CDH4: variants seen among roughly 807,000 people sequenced by gnomAD.
CDH4 encodes the protein cadherin-4.
CDH4 carries 33 observed loss-of-function variants against 86.0 expected under a neutral mutation model. The observed-to-expected ratio is 0.38, with a 90% CI of 0.29 to 0.51. CDH4 has a LOEUF of 0.51. Among genes scored for constraint, CDH4 ranks in the 20% least tolerant of loss-of-function variants. The pLI is 0.86. For missense variants in CDH4, 1,114 were observed against 1,307.4 expected, an observed-to-expected ratio of 0.85 and a Z score of 2.28; for synonymous variants, 555 against 549.4, an observed-to-expected ratio of 1.01 and a Z score of -0.14.
intron 2 of CDH4, among the ~76,000 whole-genome samples, chr20:61,672,099 G>T (rs551771883): frequency 2.2e-4 from 33 of 150,938 alleles, no homozygotes; most frequent in Non-Finnish European, 4.3e-4. Context: ...GTGGGTAGGT[G>T]GTTGGATGAG....
At chr20:61,835,215 T>TG (rs1981811595) in intron 4 of CDH4, among the ~76,000 whole-genome samples, 3 of 151,582 alleles carry the variant, frequency 2.0e-5, no homozygotes, top group Admixed American at 1.3e-4. Context: ...CATGTCCAAC[T>TG]AAGTTGTTGT....
chr20:61,254,746 A>G (rs911022122), intron 1 of CDH4, 80 bp from the exon 2 acceptor site: 1 of 933,014 alleles, frequency 1.1e-6, no homozygotes, highest in African/African-American at 1.6e-5. Context: ...GACCTTTTAC[A>G]CAGCAGGCCC....
chr20:61,851,410 G>A (rs534893697), intron 5 of CDH4, among the ~76,000 whole-genome samples: 8 of 152,218 alleles, frequency 5.3e-5, no homozygotes, highest in East Asian at 1.9e-4. Flanking sequence ...TGGGGCAGGC[G>A]TGGAATTCAG....
chr20:61,934,235 G>T lies in CDH4; in HGVS notation c.2544+15G>T, dbSNP rs2055151490. 6.6e-7 allele frequency: 1 copy of T among 1,518,132 alleles called. No individual in the cohort carries two copies. Among genetic ancestry groups the T allele is most frequent in the Non-Finnish European group, 8.8e-7 (1 of 1,130,886 alleles). 94.0% of individuals were successfully genotyped at this position (1,518,132 alleles called of 1,614,324 possible). ...TCATCAATGAGGTGTGTGCCTCTCG[G>T]CAGTGGGGGGCCCGGGCAAGGTGTC... On this transcript the variant is annotated intron_variant, in intron 15 of 15. Transcript: ENST00000614565.
At chr20:61,548,383 C>T (rs2086104070) in intron 2 of CDH4, among the ~76,000 whole-genome samples, 1 of 152,012 alleles carries the variant, frequency 6.6e-6, no homozygotes, top group Non-Finnish European at 1.5e-5. Context: ...AGTAAGGAGC[C>T]AGGGTCACCC....
chr20:61,664,392 A>T (rs536619575), intron 2 of CDH4, among the ~76,000 whole-genome samples: 1 of 152,208 alleles, frequency 6.6e-6, no homozygotes, highest in Non-Finnish European at 1.5e-5. Flanking sequence ...GGGTGGGGGC[A>T]GAAACCACAG....
chr20:61,401,015 C>T (rs2085046594), intron 2 of CDH4, among the ~76,000 whole-genome samples: 1 of 152,234 alleles, frequency 6.6e-6, no homozygotes, highest in South Asian at 2.1e-4. Flanking sequence ...CCACCCATTT[C>T]ACACCTGGCC....
At position 61,480,241 on chromosome 20, in the gene CDH4, C is replaced by T. The variant is rs996463107; in HGVS notation, c.169+225304C>T. ...TTCCACCCCAGGAGGACCCCAGGCT[C>T]CCCCTCTCGTGGTAGCCTGGAAACT... On this transcript the variant is annotated intron_variant, in intron 2 of 15. Transcript: ENST00000614565. This position sits in a 1 kb window ranked among gnomAD's most constrained non-coding sequence, Gnocchi z 5.2. Among the ~76,000 whole-genome samples the T allele has an allele frequency of 6.6e-6, 1 of 152,150 alleles. No individual in the cohort carries two copies. The highest frequency in any genetic ancestry group is 1.9e-4 in the East Asian group (1 of 5,178).
intron 7 of CDH4, among the ~76,000 whole-genome samples, chr20:61,877,034 C>G (rs1434769804): frequency 6.6e-6 from 1 of 152,192 alleles, no homozygotes. Flanking sequence ...AGCCCACGAC[C>G]CCCTGGGGTT....
intron 2 of CDH4, among the ~76,000 whole-genome samples, chr20:61,692,219 A>ATGTGTGTATG: frequency 6.8e-6 from 1 of 146,278 alleles, no homozygotes; most frequent in Non-Finnish European, 1.5e-5. Context: ...CTATGTATGT[A>ATGTGTGTATG]TGTGTGTATG....
In CDH4 at chr20:61,663,229, C is replaced by G. The variant is rs918465988; in HGVS notation, c.170-80334C>G. Among the ~76,000 whole-genome samples the G allele has an allele frequency of 6.6e-6, 1 of 152,218 alleles. No homozygotes were observed. The highest frequency in any genetic ancestry group is 2.4e-5 in the African/African-American group (1 of 41,458). ...GAGGTAAACGTTCTGTGACAAAGCC[C>G]CTGTCCCAGAGGAGCTTTCATCGAG... is the stretch of plus-strand genomic sequence containing the variant. On this transcript the variant is annotated intron_variant, in intron 2 of 15. Transcript: ENST00000614565. This position sits in a 1 kb window ranked among gnomAD's most constrained non-coding sequence, Gnocchi z 5.0.
intron 2 of CDH4, among the ~76,000 whole-genome samples, chr20:61,572,970 A>G (rs1031438104): frequency 6.6e-6 from 1 of 151,204 alleles, no homozygotes; most frequent in African/African-American, 2.4e-5. Context: ...ACATGGGTGG[A>G]AGGATGGATG....
intron 2 of CDH4, among the ~76,000 whole-genome samples, chr20:61,566,053 C>T (rs946272906): frequency 1.3e-5 from 2 of 152,318 alleles, no homozygotes; most frequent in African/African-American, 4.8e-5. Flanking sequence ...GTGCCACAGC[C>T]GGTGGGTCGC....
chr20:61,682,226 A>G (rs1348819973), intron 2 of CDH4, among the ~76,000 whole-genome samples: 3 of 151,460 alleles, frequency 2.0e-5, no homozygotes, highest in African/African-American at 7.3e-5. Context: ...AGAGAAATGG[A>G]TGGATGGATG....
chr20:61,366,781 C>T (rs1019415039), intron 2 of CDH4, among the ~76,000 whole-genome samples: 4 of 152,178 alleles, frequency 2.6e-5, no homozygotes, highest in African/African-American at 7.2e-5. Flanking sequence ...CCAGCATGGG[C>T]GTTATGGCTG....
chr20:61,893,347 AAATG>A (rs1329208190), intron 7 of CDH4, among the ~76,000 whole-genome samples: 18 of 41,174 alleles, frequency 4.4e-4, no homozygotes, highest in African/African-American at 1.5e-3. Context: ...GTGGGTGGAT[AAATG>A]AATGGGTGGG....
chr20:61,559,072 A>G (rs1274252926), intron 2 of CDH4, among the ~76,000 whole-genome samples: 5 of 152,186 alleles, frequency 3.3e-5, no homozygotes. Context: ...TAATCCCAAC[A>G]CTTTGGGAGG....
At chr20:61,496,607 G>GA (rs1426427523) in intron 2 of CDH4, among the ~76,000 whole-genome samples, 1 of 152,154 alleles carries the variant, frequency 6.6e-6, no homozygotes, top group African/African-American at 2.4e-5. Flanking sequence ...ATTTCCTAGA[G>GA]AAAAAGCCAT....
chr20:61,610,185 C>A (rs1466659010), intron 2 of CDH4, among the ~76,000 whole-genome samples: 2 of 152,218 alleles, frequency 1.3e-5, no homozygotes, highest in African/African-American at 4.8e-5. Flanking sequence ...CTGACATTCA[C>A]CATTCTACCC....
Sources: gnomAD v4.1 joint callset for allele counts (sites outside exome capture counted in the v4.1 genomes callset) on GRCh38, gnomAD v4.1.1 for gene constraint, Gnocchi (gnomAD v3.1) non-coding constraint, MANE v1.5 for transcripts, NCBI Gene and HGNC (gene_info 2026-07-23, HGNC 2026-07-21) for gene names.